Variants in THSD4 observed in about 807,000 individuals in gnomAD.
The protein encoded by THSD4 is thrombospondin type-1 domain-containing protein 4.
A neutral mutation model predicts 119.0 loss-of-function variants in THSD4; 69 were observed. The ratio of observed to expected loss-of-function variants is 0.58; its 90% confidence interval spans 0.48 to 0.71. THSD4 has a LOEUF of 0.71. Ranked by LOEUF, THSD4 falls within the 30% of genes least tolerant of loss-of-function variation. The pLI, the probability that THSD4 is intolerant of heterozygous loss-of-function variation, is 0.00. For missense variants in THSD4, 1,393 were observed against 1,391.1 expected, an observed-to-expected ratio of 1.00 and a Z score of -0.02; for synonymous variants, 524 against 540.4, an observed-to-expected ratio of 0.97 and a Z score of 0.42.
At chr15:71,423,403 G>A (rs2046832840) in intron 7 of THSD4, among the ~76,000 whole-genome samples, 1 of 152,138 alleles carries the variant, frequency 6.6e-6, no homozygotes. Context: ...TCTTTAGTCA[G>A]CAGGTGATGA....
In THSD4 at chr15:71,415,654, A is replaced by G. The variant is rs1046533673; in HGVS notation, c.1152+3831A>G. On this transcript the variant is annotated intron_variant, in intron 7 of 17. Transcript: ENST00000261862. ...TTATTCTTTCTATTTTTTTGTACCC[A>G]TTAACTATGCTCACCTCCCCTTTAA... Among the ~76,000 whole-genome samples the G allele has an allele frequency of 3.3e-5, 5 of 152,086 alleles. 1 individual carries two copies. The South Asian group carries it at 1.0e-3, about 32-fold the overall frequency.
intron 6 of THSD4, among the ~76,000 whole-genome samples, chr15:71,309,567 T>C (rs1018823739): frequency 2.6e-5 from 4 of 152,204 alleles, no homozygotes; most frequent in Non-Finnish European, 5.9e-5. Flanking sequence ...TGAGAAACCA[T>C]TACCTAGTCT....
At chr15:71,268,069 A>G (rs1400201272) in intron 6 of THSD4, among the ~76,000 whole-genome samples, 1 of 152,166 alleles carries the variant, frequency 6.6e-6, no homozygotes, top group Non-Finnish European at 1.5e-5. Context: ...AAAATTAACA[A>G]GGATATTCAG....
In THSD4 at chr15:71,552,483, A is replaced by G. The variant is rs114651320; in HGVS notation, c.1153-108047A>G. On this transcript the variant is annotated intron_variant, in intron 7 of 17. Transcript: ENST00000261862. ...AAGGGTCAATGTAATGACCTTAATG[A>G]CTATTTCGTGGTACACAATTCTCCC... Among the ~76,000 whole-genome samples, 673 of 152,316 alleles carry G rather than the reference A, an allele frequency of 4.4e-3. 6 individuals carry two copies. Among genetic ancestry groups the G allele is most frequent in the African/African-American group, 0.015 (628 of 41,558 alleles).
chr15:71,137,555 TA>T (rs1396769579), intron 1 of THSD4, among the ~76,000 whole-genome samples: 1 of 152,180 alleles, frequency 6.6e-6, no homozygotes, highest in African/African-American at 2.4e-5. Flanking sequence ...TTTTACTTAT[TA>T]AAAAATGCTG....
At chr15:71,689,563 G>T (rs2052000921) in intron 8 of THSD4, among the ~76,000 whole-genome samples, 1 of 152,220 alleles carries the variant, frequency 6.6e-6, no homozygotes, top group African/African-American at 2.4e-5. Flanking sequence ...GGAGAGCCAA[G>T]TTCCTCCAGG....
chr15:71,379,527 C>T (rs368357609), intron 6 of THSD4, among the ~76,000 whole-genome samples: 43 of 132,162 alleles, frequency 3.3e-4, no homozygotes, highest in East Asian at 2.8e-3. Flanking sequence ...GGTGCGATCT[C>T]GGCTTACTGC....
At chr15:71,412,403 T>C (rs547910129) in intron 7 of THSD4, among the ~76,000 whole-genome samples, 14 of 152,314 alleles carry the variant, frequency 9.2e-5, no homozygotes, top group African/African-American at 2.9e-4. Flanking sequence ...TGTGGGATGC[T>C]CAGTGTTGAC....
intron 7 of THSD4, among the ~76,000 whole-genome samples, chr15:71,589,230 T>TTATGATCTGTGC: frequency 7.0e-6 from 1 of 142,218 alleles, no homozygotes; most frequent in East Asian, 2.0e-4. Context: ...TTGAATATAT[T>TTATGATCTGTGC]AAAGGACATA....
intron 6 of THSD4, among the ~76,000 whole-genome samples, chr15:71,398,349 T>C (rs1030936261): frequency 6.6e-6 from 1 of 151,988 alleles, no homozygotes; most frequent in Admixed American, 6.6e-5. Flanking sequence ...CAACAGGTTC[T>C]TGAAGGGAGG....
intron 8 of THSD4, among the ~76,000 whole-genome samples, chr15:71,682,779 C>T (rs2051811759): frequency 6.6e-6 from 1 of 151,994 alleles, no homozygotes; most frequent in South Asian, 2.1e-4. Context: ...ATTTCTGTAC[C>T]ACACAGAGTA....
At chr15:71,196,688 A>C (rs2043722494) in intron 3 of THSD4, among the ~76,000 whole-genome samples, 1 of 152,098 alleles carries the variant, frequency 6.6e-6, no homozygotes, top group South Asian at 2.1e-4. Context: ...CCAGGCAGCT[A>C]TTGTCAGTCA....
intron 6 of THSD4, among the ~76,000 whole-genome samples, chr15:71,315,295 T>C (rs924872674): frequency 6.6e-6 from 1 of 152,266 alleles, no homozygotes; most frequent in Non-Finnish European, 1.5e-5. Flanking sequence ...TCAGCCAGTC[T>C]GTATCCTTCT....
intron 7 of THSD4, among the ~76,000 whole-genome samples, chr15:71,476,320 C>T (rs2047654821): frequency 6.6e-6 from 1 of 152,210 alleles, no homozygotes; most frequent in Non-Finnish European, 1.5e-5. Flanking sequence ...CAGCCTCCGC[C>T]TCCCAGGTTC....
chr15:71,163,853 C>T (rs1347398017), intron 3 of THSD4, among the ~76,000 whole-genome samples: 4 of 149,554 alleles, frequency 2.7e-5, no homozygotes, highest in Admixed American at 6.6e-5. Context: ...TTTAAGCTCA[C>T]GCTTTTGGGG....
intron 8 of THSD4, among the ~76,000 whole-genome samples, chr15:71,667,656 T>C (rs1332135296): frequency 6.6e-6 from 1 of 152,262 alleles, no homozygotes; most frequent in African/African-American, 2.4e-5. Context: ...TAATTTATTC[T>C]TTGAACAGCT....
At chr15:71,524,032 A>G in intron 7 of THSD4, among the ~76,000 whole-genome samples, 1 of 152,224 alleles carries the variant, frequency 6.6e-6, no homozygotes, top group East Asian at 1.9e-4. Flanking sequence ...TCTTTCCCAT[A>G]CTTACTTGAC....
intron 17 of THSD4, among the ~76,000 whole-genome samples, chr15:71,776,689 GAA>G (rs72140959): frequency 1.3e-5 from 2 of 148,516 alleles, no homozygotes; most frequent in African/African-American, 4.9e-5. Context: ...GTTTGCACTA[GAA>G]AAAAAAAATT....
chr15:71,697,936 G>A (rs1191740680), intron 8 of THSD4, among the ~76,000 whole-genome samples: 1 of 151,326 alleles, frequency 6.6e-6, no homozygotes, highest in Non-Finnish European at 1.5e-5. Flanking sequence ...TTTTATGGGG[G>A]TAGATAATAG....
Sources: gnomAD v4.1 joint callset for allele counts (sites outside exome capture counted in the v4.1 genomes callset) on GRCh38, gnomAD v4.1.1 for gene constraint, MANE v1.5 for transcripts, NCBI Gene and HGNC (gene_info 2026-07-23, HGNC 2026-07-21) for gene names.